The following KCNAB1 variants were observed in gnomAD, a reference collection of about 807,000 sequenced individuals.
KCNAB1 encodes potassium voltage-gated channel subfamily A regulatory beta subunit 1, also known as voltage-gated potassium channel subunit beta-1.
In KCNAB1, 35 loss-of-function variants were observed where a neutral mutation model predicts 64.6. That is an observed-to-expected ratio of 0.54 (90% CI 0.41 to 0.72). KCNAB1 has a LOEUF of 0.72. Among genes scored for constraint, KCNAB1 ranks in the 30% least tolerant of loss-of-function variants. KCNAB1 has a pLI of 0.00. For synonymous variants in KCNAB1, 177 were observed against 183.8 expected, an observed-to-expected ratio of 0.96 and a Z score of 0.30; for missense variants, 401 against 512.9, an observed-to-expected ratio of 0.78 and a Z score of 2.11.
intron 1 of KCNAB1, among the ~76,000 whole-genome samples, chr3:156,155,938 T>TTA (rs1183963864): frequency 6.6e-6 from 1 of 152,160 alleles, no homozygotes; most frequent in Non-Finnish European, 1.5e-5. Context: ...TGGAGTTGTG[T>TTA]GGATAGTGCT....
At chr3:156,431,266 C>T (rs1322859142) in intron 2 of KCNAB1, among the ~76,000 whole-genome samples, 5 of 152,188 alleles carry the variant, frequency 3.3e-5, no homozygotes, top group South Asian at 2.1e-4. Context: ...TTGTTTACCT[C>T]GGGTTTGCCT....
At chr3:156,361,683 AG>A (rs1725625617) in intron 1 of KCNAB1, among the ~76,000 whole-genome samples, 1 of 152,284 alleles carries the variant, frequency 6.6e-6, no homozygotes, top group Admixed American at 6.5e-5. Flanking sequence ...TTGGTTGCCT[AG>A]GCTGGAGTGC....
At chr3:156,398,306 TA>T (rs1483337619) in intron 1 of KCNAB1, among the ~76,000 whole-genome samples, 1 of 151,950 alleles carries the variant, frequency 6.6e-6, no homozygotes, top group African/African-American at 2.4e-5. Context: ...ACCTAGATGA[TA>T]GGGGGCCAGG....
intron 7 of KCNAB1, among the ~76,000 whole-genome samples, chr3:156,467,348 G>A (rs1713491768): frequency 6.6e-6 from 1 of 152,032 alleles, no homozygotes; most frequent in African/African-American, 2.4e-5. Flanking sequence ...CAAGAATTTT[G>A]TAACTTTGGA....
At chr3:156,170,221 GTT>G (rs527980009) in intron 1 of KCNAB1, among the ~76,000 whole-genome samples, 3 of 130,606 alleles carry the variant, frequency 2.3e-5, no homozygotes, top group Admixed American at 7.8e-5. Flanking sequence ...CCAAGGAATC[GTT>G]TTTTTTTTTT....
intron 7 of KCNAB1, among the ~76,000 whole-genome samples, chr3:156,468,183 T>C (rs953372134): frequency 6.6e-6 from 1 of 152,212 alleles, no homozygotes; most frequent in Non-Finnish European, 1.5e-5. Flanking sequence ...AAGATCTTTA[T>C]AGACCTATAA....
intron 1 of KCNAB1, among the ~76,000 whole-genome samples, chr3:156,399,359 G>A (rs1213613549): frequency 2.4e-4 from 36 of 152,178 alleles, no homozygotes; most frequent in Admixed American, 2.2e-3. Context: ...GAGGTGTTGG[G>A]TGGGGTATGT....
intron 13 of KCNAB1, among the ~76,000 whole-genome samples, chr3:156,533,149 A>C (rs758361008): frequency 1.3e-5 from 2 of 152,220 alleles, no homozygotes; most frequent in Non-Finnish European, 2.9e-5. Flanking sequence ...ATAAATAGCA[A>C]AATGATTTCA....
In KCNAB1 at chr3:156,243,797, G is replaced by A. The variant is rs1004306691; in HGVS notation, c.275+122911G>A. ...GAATTTGGAAAGCAGAGGTAAAGCA[G>A]GAGCCATTACTTTCAGAAGGTCACA... is the stretch of plus-strand genomic sequence containing the variant. On this transcript the variant is annotated intron_variant, in intron 1 of 13. Transcript: ENST00000490337. Among the ~76,000 whole-genome samples, 5 of 152,358 alleles carry A rather than the reference G, an allele frequency of 3.3e-5. No homozygotes were observed. The East Asian group carries it at 9.6e-4, about 29-fold the overall frequency.
At chr3:156,215,794 C>T (rs1169215120) in intron 1 of KCNAB1, 4 of 152,164 alleles carry the variant, frequency 2.6e-5, no homozygotes, top group Non-Finnish European at 5.9e-5. Flanking sequence ...TAAGAATGGC[C>T]TCCACTGCTG....
intron 1 of KCNAB1, among the ~76,000 whole-genome samples, chr3:156,136,296 A>C (rs1714344678): frequency 6.6e-6 from 1 of 152,222 alleles, no homozygotes; most frequent in Non-Finnish European, 1.5e-5. Flanking sequence ...ACAACACCCT[A>C]TTAGGTAATA....
At chr3:156,534,441 C>T (rs1718911248) in intron 13 of KCNAB1, among the ~76,000 whole-genome samples, 1 of 152,102 alleles carries the variant, frequency 6.6e-6, no homozygotes, top group Non-Finnish European at 1.5e-5. Context: ...GGAGAACCGC[C>T]TCTCCCCCTC....
At chr3:156,469,461 G>A (rs1713715384) in intron 7 of KCNAB1, among the ~76,000 whole-genome samples, 1 of 151,880 alleles carries the variant, frequency 6.6e-6, no homozygotes, top group African/African-American at 2.4e-5. Flanking sequence ...GTTTCTCCAT[G>A]TTGGCCAGAC....
chr3:156,399,626 A>C (rs1215370602), intron 1 of KCNAB1, among the ~76,000 whole-genome samples: 1 of 152,162 alleles, frequency 6.6e-6, no homozygotes, highest in Non-Finnish European at 1.5e-5. Context: ...GCTGCCCGGA[A>C]GAGACAACCA....
intron 8 of KCNAB1, among the ~76,000 whole-genome samples, chr3:156,496,372 G>A (rs1176490112): frequency 1.3e-5 from 2 of 152,100 alleles, no homozygotes; most frequent in Non-Finnish European, 2.9e-5. Flanking sequence ...TCATGATGGT[G>A]AATAAGTCTC....
chr3:156,286,117 AGTTT>A (rs748080319), intron 1 of KCNAB1, among the ~76,000 whole-genome samples: 2 of 152,140 alleles, frequency 1.3e-5, no homozygotes, highest in Non-Finnish European at 2.9e-5. Flanking sequence ...GACATCTGGA[AGTTT>A]GTTCTATTCA....
chr3:156,182,164 C>G (rs972435643), intron 1 of KCNAB1, among the ~76,000 whole-genome samples: 1 of 152,004 alleles, frequency 6.6e-6, no homozygotes, highest in African/African-American at 2.4e-5. Context: ...ATCCCTGTTC[C>G]CTCACTCATC....
At chr3:156,439,701 G>A (rs575242173) in intron 2 of KCNAB1, among the ~76,000 whole-genome samples, 5 of 152,202 alleles carry the variant, frequency 3.3e-5, no homozygotes, top group Admixed American at 2.6e-4. Context: ...ATCACCAGAC[G>A]AGATCTTTGC....
chr3:156,223,860 C>G (rs973143709), intron 1 of KCNAB1, among the ~76,000 whole-genome samples: 2 of 152,222 alleles, frequency 1.3e-5, no homozygotes, highest in African/African-American at 4.8e-5. Context: ...CCAGTGTATC[C>G]CGCACTGGGG....
Sources: gnomAD v4.1 joint callset for allele counts (sites outside exome capture counted in the v4.1 genomes callset) on GRCh38, gnomAD v4.1.1 for gene constraint, MANE v1.5 for transcripts, NCBI Gene and HGNC (gene_info 2026-07-23, HGNC 2026-07-21) for gene names.